The following CELF4 variants were observed in gnomAD, a reference collection of about 807,000 sequenced individuals.
The protein encoded by CELF4 is CUGBP Elav-like family member 4.
A neutral mutation model predicts 59.9 loss-of-function variants in CELF4; 18 were observed. The observed-to-expected ratio is 0.30, with a 90% confidence interval of 0.21 to 0.45. The LOEUF is 0.45. CELF4 is among the 20% of genes least tolerant of loss of function. The pLI, the probability that CELF4 is intolerant of heterozygous loss-of-function variation, is 1.00. For synonymous variants in CELF4, 261 were observed against 267.1 expected (o/e 0.98, Z 0.22); for missense variants, 456 against 689.0 (o/e 0.66, Z 3.79).
At chr18:37,536,810 G>A (rs1256821869) in intron 1 of CELF4, among the ~76,000 whole-genome samples, 5 of 152,078 alleles carry the variant, frequency 3.3e-5, no homozygotes, top group African/African-American at 9.7e-5. Context: ...GCTTTCACAC[G>A]CTCACATAAA....
rs962586932 is a variant in CELF4 at position 37,374,019 on chromosome 18, T to C, written c.370-52138A>G. 2.6e-5 allele frequency among the ~76,000 whole-genome samples: 4 copies of C among 152,162 alleles called. No individual in the cohort carries two copies. In the East Asian group the frequency reaches 5.8e-4, roughly 22 times the overall value. On this transcript the variant is annotated intron_variant, in intron 2 of 12. Transcript: ENST00000420428. Reference sequence around the variant, plus strand: ...ACCAAATGAAAAATCCGAAGGATAATGTAGGAGGTGAGAGATGCACTGGAG... The same window carrying C: ...ACCAAATGAAAAATCCGAAGGATAACGTAGGAGGTGAGAGATGCACTGGAG...
At chr18:37,427,054 G>A (rs1281548095) in intron 2 of CELF4, among the ~76,000 whole-genome samples, 1 of 151,426 alleles carries the variant, frequency 6.6e-6, no homozygotes, top group Non-Finnish European at 1.5e-5. Flanking sequence ...GGGGGAAGCT[G>A]GGCACCCTGG....
At chr18:37,280,791 C>G (rs772502541) in intron 3 of CELF4, among the ~76,000 whole-genome samples, 1 of 152,260 alleles carries the variant, frequency 6.6e-6, no homozygotes, top group Non-Finnish European at 1.5e-5. Flanking sequence ...TGCTTCTTCA[C>G]CTGCCTCCTG....
At chr18:37,548,569 T>C (rs1254565728) in intron 1 of CELF4, among the ~76,000 whole-genome samples, 1 of 152,222 alleles carries the variant, frequency 6.6e-6, no homozygotes, top group African/African-American at 2.4e-5. Flanking sequence ...TTTCCGATAG[T>C]GAGCCGGACC....
At chr18:37,283,041 C>A (rs1009492159) in intron 3 of CELF4, among the ~76,000 whole-genome samples, 2 of 152,120 alleles carry the variant, frequency 1.3e-5, no homozygotes, top group Admixed American at 1.3e-4. Context: ...AGACCCTCAC[C>A]TGCTCTTCCC....
At chr18:37,560,143 G>A (rs780378317) in intron 1 of CELF4, among the ~76,000 whole-genome samples, 3 of 152,202 alleles carry the variant, frequency 2.0e-5, no homozygotes, top group Admixed American at 1.3e-4. Context: ...GGGGATGGGA[G>A]GGACGTTGTT....
chr18:37,493,877 C>T (rs772229605), intron 1 of CELF4, among the ~76,000 whole-genome samples: 2 of 152,132 alleles, frequency 1.3e-5, no homozygotes, highest in East Asian at 1.9e-4. Flanking sequence ...TTCTAGAGTG[C>T]GAATGAGTTT....
intron 2 of CELF4, among the ~76,000 whole-genome samples, chr18:37,445,577 G>T (rs1355274413): frequency 1.3e-5 from 2 of 152,100 alleles, no homozygotes; most frequent in African/African-American, 4.8e-5. Context: ...TTAAGCAGAG[G>T]AGGGGGGAGC....
At chr18:37,514,268 C>T (rs367685225) in intron 1 of CELF4, among the ~76,000 whole-genome samples, 7 of 152,130 alleles carry the variant, frequency 4.6e-5, no homozygotes, top group East Asian at 3.9e-4. Flanking sequence ...GCTGAAAGTA[C>T]GGCCCTCTTC....
At chr18:37,338,667 C>T (rs894070613) in intron 2 of CELF4, among the ~76,000 whole-genome samples, 4 of 151,984 alleles carry the variant, frequency 2.6e-5, no homozygotes, top group African/African-American at 9.7e-5. Flanking sequence ...ATGACTAGCT[C>T]GGCCATGACT....
chr18:37,489,311 G>A (rs2099891779), intron 1 of CELF4, among the ~76,000 whole-genome samples: 1 of 152,256 alleles, frequency 6.6e-6, no homozygotes, highest in African/African-American at 2.4e-5. Context: ...CTCCCTGGCT[G>A]AGGGCAGAGC....
At chr18:37,430,671 T>TG in intron 2 of CELF4, among the ~76,000 whole-genome samples, 1 of 152,290 alleles carries the variant, frequency 6.6e-6, no homozygotes, top group South Asian at 2.1e-4. Flanking sequence ...CTGAGCAGAA[T>TG]GGGGGGAGCA....
intron 2 of CELF4, among the ~76,000 whole-genome samples, chr18:37,460,417 A>G (rs966209916): frequency 2.6e-5 from 4 of 152,148 alleles, no homozygotes; most frequent in Non-Finnish European, 5.9e-5. Flanking sequence ...CAGCCCAACT[A>G]CTAACAGTGA....
chr18:37,404,115 C>T (rs1040238052), intron 2 of CELF4, among the ~76,000 whole-genome samples: 2 of 152,236 alleles, frequency 1.3e-5, no homozygotes, highest in East Asian at 3.9e-4. Flanking sequence ...CACAGTTACT[C>T]CTCAAACAGC....
At chr18:37,440,146 T>G (rs552861775) in intron 2 of CELF4, among the ~76,000 whole-genome samples, 14 of 152,216 alleles carry the variant, frequency 9.2e-5, no homozygotes, top group Admixed American at 8.5e-4. Context: ...CTGGGGAGAT[T>G]TGGCCATTAA....
rs2062079801 is a variant in CELF4, at chr18:37,246,343, G to T, written c.*45-1146C>A. The stretch of plus-strand genomic sequence containing the variant: ...ACTTGTCAAGGACCCTTTTTCAGTT[G>T]TAAACAAAAAGGTGCATTTTGCTTT... On this transcript the variant is annotated intron_variant, in intron 12 of 12. Transcript: ENST00000420428. The surrounding 1 kb of genome is among the most constrained non-coding windows in gnomAD (Gnocchi z 5.3). Among the ~76,000 whole-genome samples, 1 of 151,952 alleles carries T rather than the reference G, an allele frequency of 6.6e-6. No homozygotes were observed. Among genetic ancestry groups the T allele is most frequent in the Admixed American group, 6.6e-5 (1 of 15,264 alleles).
chr18:37,256,444 G>A (rs1296005558), intron 11 of CELF4, among the ~76,000 whole-genome samples: 2 of 152,220 alleles, frequency 1.3e-5, no homozygotes, highest in African/African-American at 4.8e-5. Flanking sequence ...GTCTGCCCTG[G>A]GTAAGCTCCC....
intron 2 of CELF4, among the ~76,000 whole-genome samples, chr18:37,353,396 G>A (rs2098500230): frequency 6.6e-6 from 1 of 151,884 alleles, no homozygotes; most frequent in East Asian, 2.0e-4. Context: ...CTGTGGAAGG[G>A]TCTGAGGTGA....
At chr18:37,275,669 G>A (rs555925900) in intron 3 of CELF4, 5 of 186,938 alleles carry the variant, frequency 2.7e-5, no homozygotes, top group Non-Finnish European at 5.6e-5. Flanking sequence ...CACAACTGGC[G>A]GGTCTGACTT....
Sources: allele counts gnomAD v4.1 joint callset (sites outside exome capture counted in the v4.1 genomes callset), GRCh38; gene constraint gnomAD v4.1.1; non-coding constraint Gnocchi (gnomAD v3.1); transcripts MANE v1.5; gene names NCBI Gene and HGNC (gene_info 2026-07-23, HGNC 2026-07-21).